The following HIVEP3 variants were observed in gnomAD, a reference collection of about 807,000 sequenced individuals.
HIVEP3 encodes HIVEP zinc finger 3.
A neutral mutation model predicts 152.8 loss-of-function variants in HIVEP3; 49 were observed. The observed-to-expected ratio is 0.32, with a 90% confidence interval of 0.26 to 0.41. The LOEUF (loss-of-function observed/expected upper bound fraction) is 0.41, where lower values mean the gene tolerates loss of function less well. Ranked by LOEUF, HIVEP3 falls within the 10% of genes least tolerant of loss-of-function variation. The pLI is 1.00. For synonymous variants in HIVEP3, 1,269 were observed against 1,289.0 expected (o/e 0.98, Z 0.33); for missense variants, 2,790 against 3,103.3 (o/e 0.90, Z 2.40).
chr1:41,699,846 C>T (rs1228354317), intron 2 of HIVEP3, among the ~76,000 whole-genome samples: 4 of 150,328 alleles, frequency 2.7e-5, no homozygotes, highest in Non-Finnish European at 5.9e-5. Context: ...TCTCTCAGAA[C>T]CACAGGGCTG....
In HIVEP3 at chr1:41,917,777, G is replaced by T. The variant is rs926635366; in HGVS notation, c.-801+636C>A. On this transcript the variant is annotated intron_variant, in intron 1 of 8. Coordinates refer to ENST00000372583, the MANE Select transcript of HIVEP3 (RefSeq NM_024503.5). ...TAGAATAGGAGTTTGGTTTGGGTTT[G>T]GTTGGGTCAGGTTGGGGGTTGGGAA... 8.5e-5 allele frequency among the ~76,000 whole-genome samples: 13 copies of T among 152,198 alleles called. 2 individuals carry two copies. Among genetic ancestry groups the T allele is most frequent in the Middle Eastern group, 3.4e-3 (1 of 294 alleles).
intron 5 of HIVEP3, among the ~76,000 whole-genome samples, chr1:41,554,796 G>C (rs923027891): frequency 4.6e-5 from 7 of 152,220 alleles, no homozygotes; most frequent in African/African-American, 1.7e-4. Context: ...TCCAGACCCT[G>C]TCTGCCTGGG....
At position 41,931,258 on chromosome 1, in the gene HIVEP3, T is replaced by C. The variant is rs543904537; in HGVS notation, n.120-12734A>G. 5.3e-5 allele frequency among the ~76,000 whole-genome samples: 8 copies of C among 152,112 alleles called. 1 individual carries two copies. Among genetic ancestry groups the C allele is most frequent in the Non-Finnish European group, 1.2e-4 (8 of 67,972 alleles). ...TGTAGTTTCATCTTTTACATTTAGA[T>C]CTATGATCTTTTTCTCAGTTGTTTT... On this transcript the variant is annotated intron_variant and non_coding_transcript_variant, in intron 1 of 3. Coordinates refer to the HIVEP3 transcript ENST00000489103.
intron 1 of HIVEP3, among the ~76,000 whole-genome samples, chr1:41,870,897 T>C (rs1407689657): frequency 6.6e-6 from 1 of 152,246 alleles, no homozygotes; most frequent in Non-Finnish European, 1.5e-5. Context: ...TTAACCTCTC[T>C]GTCTTCCAGT....
chr1:41,828,409 C>A (rs970160004), intron 1 of HIVEP3, among the ~76,000 whole-genome samples: 2 of 152,240 alleles, frequency 1.3e-5, no homozygotes, highest in African/African-American at 2.4e-5. Context: ...TGGGAACCGT[C>A]CAAATGGCAT....
chr1:41,865,497 GAC>G (rs1643952857), intron 1 of HIVEP3: 1 of 152,324 alleles, frequency 6.6e-6, no homozygotes, highest in Non-Finnish European at 1.5e-5. Flanking sequence ...GCTGATGGAA[GAC>G]ACAGACACAC....
intron 1 of HIVEP3, among the ~76,000 whole-genome samples, chr1:41,747,180 C>T (rs1647085962): frequency 1.3e-5 from 2 of 152,170 alleles, no homozygotes; most frequent in African/African-American, 4.8e-5. Flanking sequence ...AAGCTAAGTG[C>T]CAATAGGCAG....
At position 41,511,191 on chromosome 1, in the gene HIVEP3, G is replaced by C; in HGVS notation, c.6481C>G (p.Leu2161Val). 1.2e-6 allele frequency: 2 copies of C among 1,614,146 alleles called. No homozygotes were observed. Among genetic ancestry groups the C allele is most frequent in the Non-Finnish European group, 1.7e-6 (2 of 1,180,020 alleles). Residue 2161 changes from leucine (L) to valine (V), a missense_variant, in exon 9 of 9, where the codon CTC (leucine) becomes GTC (valine). Around this residue, in one of 9 missense-constraint regions of HIVEP3, gnomAD observed 816 missense variants for 806.5 expected, o/e 1.01. Transcript: ENST00000372583. This position sits in a 1 kb window ranked among gnomAD's most constrained non-coding sequence, Gnocchi z 4.9. ...AGGATGTGGCCGTGGAAGTCATGGAGGGCGGAGAAGGGTCGGGAGGAGAGA... is the reference window on the plus strand; with the variant it reads ...AGGATGTGGCCGTGGAAGTCATGGACGGCGGAGAAGGGTCGGGAGGAGAGA... ...HPLSSRPFSA[L>V]HDFHGHILAR...
At chr1:41,623,401 C>G (rs894186213) in intron 3 of HIVEP3, among the ~76,000 whole-genome samples, 1 of 152,182 alleles carries the variant, frequency 6.6e-6, no homozygotes, top group Non-Finnish European at 1.5e-5. Context: ...CACACACTTG[C>G]TATTTTTAAA....
At chr1:41,767,795 C>A (rs543509664) in intron 1 of HIVEP3, among the ~76,000 whole-genome samples, 19 of 152,330 alleles carry the variant, frequency 1.2e-4, no homozygotes, top group Non-Finnish European at 2.1e-4. Context: ...GCTGGCAGGG[C>A]TTTTGTTCAT....
chr1:41,844,019 A>C (rs1412797684), intron 1 of HIVEP3, among the ~76,000 whole-genome samples: 1 of 152,080 alleles, frequency 6.6e-6, no homozygotes, highest in Non-Finnish European at 1.5e-5. Flanking sequence ...ATTTTGCTCC[A>C]CATGGGACAA....
rs970878541 is a variant in HIVEP3, at chr1:41,584,203, G to A, written c.595C>T (p.Arg199Trp). Reference protein sequence around the residue: ...PGKYICQYCSRPCAKPSVLQK... With the variant: ...PGKYICQYCSWPCAKPSVLQK... The stretch of plus-strand genomic sequence containing the variant: ...AGCACGCTGGGCTTGGCACAGGGCC[G>A]GCTGCAGTACTGGCAGATGTACTTG... Residue 199 changes from arginine (R) to tryptophan (W), a missense_variant, in exon 4 of 9, where the codon CGG becomes TGG. By Grantham distance (101) the Arg-to-Trp change is moderately radical. Coordinates refer to ENST00000372583, the MANE Select transcript of HIVEP3 (RefSeq NM_024503.5). This position sits in a 1 kb window ranked among gnomAD's most constrained non-coding sequence, Gnocchi z 5.2. 5.6e-6 allele frequency: 9 copies of A among 1,614,058 alleles called. No individual in the cohort carries two copies. The highest frequency in any genetic ancestry group is 2.2e-5 in the East Asian group (1 of 44,898).
intron 2 of HIVEP3, among the ~76,000 whole-genome samples, chr1:41,671,879 G>A (rs1364725666): frequency 6.6e-6 from 1 of 152,202 alleles, no homozygotes; most frequent in Non-Finnish European, 1.5e-5. Context: ...GGAAAAGCCA[G>A]GAAAAGCTAT....
chr1:41,592,620 G>T (rs2149116911), intron 3 of HIVEP3, among the ~76,000 whole-genome samples: 1 of 152,266 alleles, frequency 6.6e-6, no homozygotes, highest in South Asian at 2.1e-4. Flanking sequence ...GCAAGGTCAG[G>T]CCCACCTACT....
chr1:42,005,623 C>A (rs189892515), intron 1 of HIVEP3, among the ~76,000 whole-genome samples: 56 of 152,258 alleles, frequency 3.7e-4, no homozygotes, highest in Admixed American at 1.8e-3. Context: ...CTGCATCTTT[C>A]TGAAGATATC....
chr1:41,776,604 G>GC (rs1352152994), intron 1 of HIVEP3, among the ~76,000 whole-genome samples: 6 of 152,186 alleles, frequency 3.9e-5, no homozygotes, highest in Admixed American at 1.3e-4. Flanking sequence ...TTGGCTTTTA[G>GC]CCCCCCACTT....
rs1645726381 is a variant in HIVEP3, at chr1:41,662,248, C to T, written c.-720-33301G>A. ...CTCGGCAGCGCCCGCGCGCTCGGCT[C>T]CGCCCGGCTCGGCTCCGCCCGGCGG... On this transcript the variant is annotated intron_variant, in intron 2 of 8. Coordinates refer to ENST00000372583, the MANE Select transcript of HIVEP3 (RefSeq NM_024503.5). The surrounding 1 kb of genome is among the most constrained non-coding windows in gnomAD (Gnocchi z 7.2). 1 of 145,916 alleles carries T rather than the reference C, an allele frequency of 6.9e-6. No individual in the cohort carries two copies. 9.0% of individuals were successfully genotyped at this position (145,916 alleles called of 1,614,324 possible).
intron 5 of HIVEP3, among the ~76,000 whole-genome samples, chr1:41,527,200 CCA>C (rs199603551): frequency 0.014 from 1,725 of 127,140 alleles, 71 homozygotes; most frequent in African/African-American, 0.048. Flanking sequence ...ACTCCCACTC[CCA>C]CACATGCTCA....
chr1:41,580,258 G>C lies in HIVEP3; in HGVS notation c.4540C>G (p.Pro1514Ala). 6.2e-7 allele frequency: 1 copy of C among 1,613,826 alleles called. No homozygotes were observed. The highest frequency in any genetic ancestry group is 1.3e-5 in the African/African-American group (1 of 75,050). Residue 1514 changes from proline (P) to alanine (A), a missense_variant, in exon 4 of 9, where the codon CCC becomes GCC. This residue lies in a region of HIVEP3 where 1,078 missense variants were observed against 1,165.3 expected (regional missense o/e 0.93). Coordinates refer to ENST00000372583, the MANE Select transcript of HIVEP3 (RefSeq NM_024503.5). ...SDPSDTKEIP[P>A]LPHPALSHGT... Reference sequence around the variant, plus strand: ...TGGGACAATGCAGGGTGAGGGAGGGGAGGAATTTCCTTTGTGTCAGATGGA... The same window carrying C: ...TGGGACAATGCAGGGTGAGGGAGGGCAGGAATTTCCTTTGTGTCAGATGGA...
Sources: allele counts gnomAD v4.1 joint callset (sites outside exome capture counted in the v4.1 genomes callset), GRCh38; gene constraint gnomAD v4.1.1; regional missense constraint gnomAD v4.1.1; non-coding constraint Gnocchi (gnomAD v3.1); transcripts MANE v1.5; gene names NCBI Gene and HGNC (gene_info 2026-07-23, HGNC 2026-07-21).